The following TP53TG3D variants were observed in gnomAD, a reference collection of about 807,000 sequenced individuals.
TP53TG3D encodes the protein TP53 target 3D, also known as TP53-target gene 3 protein.
For missense variants in TP53TG3D, 4 were observed against 139.9 expected (o/e 0.03, Z 4.90); for synonymous variants, 2 against 56.9 (o/e 0.04, Z 4.34).
In TP53TG3D at chr16:32,254,875, T is replaced by G; in HGVS notation, c.363-16T>G. On this transcript the variant is annotated splice_polypyrimidine_tract_variant and intron_variant, in intron 1 of 1. Transcript: ENST00000398664. Reference sequence around the variant, plus strand: ...ACTAAACAGTGATCATTCTCTTAATTCATGTTTCCATTAAGTTTTTCAGGT... The same window carrying G: ...ACTAAACAGTGATCATTCTCTTAATGCATGTTTCCATTAAGTTTTTCAGGT... 1 of 1,587,220 alleles carries G rather than the reference T, an allele frequency of 6.3e-7. No individual in the cohort carries two copies. The highest frequency in any genetic ancestry group is 8.6e-7 in the Non-Finnish European group (1 of 1,163,796).
chr16:32,255,254 G>C (rs1322990287), exon 2 of TP53TG3D: 1 of 379,382 alleles, frequency 2.6e-6, no homozygotes, highest in African/African-American at 2.1e-5. Context: ...TATGGCCTTG[G>C]TATGGTTTTA....
chr16:32,254,789 T>C lies in TP53TG3D; in HGVS notation c.363-102T>C, dbSNP rs977019912. ...GCTTCTACCCTGAATAGGGCTCCCT[T>C]GGAAAATAATATCTCTTTTTAAATA... On this transcript the variant is annotated intron_variant, in intron 1 of 1. Coordinates refer to ENST00000398664, the Ensembl canonical transcript of TP53TG3D. 1.6e-4 allele frequency: 255 copies of C among 1,606,780 alleles called. 5 individuals are homozygous for C. Among genetic ancestry groups the C allele is most frequent in the Admixed American group, 3.0e-4 (18 of 59,346 alleles).
chr16:32,254,763 C>T lies in TP53TG3D; in HGVS notation c.363-128C>T, dbSNP rs1430174586. 46 of 1,566,096 alleles carry T rather than the reference C, an allele frequency of 2.9e-5. 1 individual carries two copies. Among genetic ancestry groups the T allele is most frequent in the African/African-American group, 1.1e-4 (8 of 72,886 alleles). On this transcript the variant is annotated intron_variant, in intron 1 of 1. Coordinates refer to ENST00000398664, the Ensembl canonical transcript of TP53TG3D. Reference sequence around the variant, plus strand: ...GTGGTGAGGTCAGGGATAGTGTCTGCGCTTCTACCCTGAATAGGGCTCCCT... The same window carrying T: ...GTGGTGAGGTCAGGGATAGTGTCTGTGCTTCTACCCTGAATAGGGCTCCCT...
At chr16:32,255,064 T>C (rs1384697268) in exon 2 of TP53TG3D, 12 of 1,484,736 alleles carry the variant, frequency 8.1e-6, no homozygotes, top group Non-Finnish European at 1.0e-5. Flanking sequence ...AGGTAAAGAA[T>C]GGAACATTTA....
chr16:32,254,254 A>T, intron 1 of TP53TG3D: 1 of 894,916 alleles, frequency 1.1e-6, no homozygotes, highest in East Asian at 3.2e-5. Flanking sequence ...CCGACCTGGC[A>T]GGTCTCAGGC....
At chr16:32,255,081 G>T in exon 2 of TP53TG3D, 1 of 1,350,704 alleles carries the variant, frequency 7.4e-7, no homozygotes, top group East Asian at 2.5e-5. Flanking sequence ...TTTAAGACAA[G>T]TCTGGAAAGT....
At chr16:32,254,794 A>G (rs1306203682) in intron 1 of TP53TG3D, 97 bp from the exon 2 acceptor site, 6 of 1,607,516 alleles carry the variant, frequency 3.7e-6, no homozygotes, top group Non-Finnish European at 5.1e-6. Flanking sequence ...TCCCTTGGAA[A>G]ATAATATCTC....
At chr16:32,254,569 G>T (rs1392197016) in intron 1 of TP53TG3D, 2 of 1,474,656 alleles carry the variant, frequency 1.4e-6, no homozygotes, top group Non-Finnish European at 1.8e-6. Flanking sequence ...CAGCTACGGG[G>T]ATGGGACCCT....
chr16:32,254,383 C>T (rs1962165469), intron 1 of TP53TG3D: 3 of 1,528,776 alleles, frequency 2.0e-6, no homozygotes, highest in Non-Finnish European at 2.6e-6. Flanking sequence ...ACCATTTCCT[C>T]TGTTCTCTAG....
intron 1 of TP53TG3D, 73 bp from the exon 2 acceptor site, chr16:32,254,818 C>G (rs1253388656): frequency 1.9e-6 from 3 of 1,607,062 alleles, no homozygotes; most frequent in South Asian, 2.2e-5. Context: ...TTAAATACCC[C>G]CTTGGACCAC....
At chr16:32,254,783 C>T (rs1962183037) in intron 1 of TP53TG3D, 108 bp from the exon 2 acceptor site, 7 of 1,602,490 alleles carry the variant, frequency 4.4e-6, no homozygotes, top group African/African-American at 1.4e-5. Context: ...CTGAATAGGG[C>T]TCCCTTGGAA....
chr16:32,255,327 A>G (rs1962201909), exon 2 of TP53TG3D: 1 of 273,652 alleles, frequency 3.7e-6, no homozygotes, highest in Non-Finnish European at 7.1e-6. Context: ...TTTTTGAACA[A>G]TTTTTGCAAG....
At chr16:32,254,654 G>C in intron 1 of TP53TG3D, 1 of 1,446,296 alleles carries the variant, frequency 6.9e-7, no homozygotes. Context: ...CAGGGTCTTA[G>C]TGTGGACCTC....
At chr16:32,254,694 C>T (rs1962180127) in intron 1 of TP53TG3D, 197 bp from the exon 2 acceptor site, 1 of 1,455,186 alleles carries the variant, frequency 6.9e-7, no homozygotes, top group Non-Finnish European at 9.0e-7. Flanking sequence ...GTCAGCAGGA[C>T]CAGAGCGCCC....
At chr16:32,254,772 C>T (rs1490580131) in intron 1 of TP53TG3D, 119 bp from the exon 2 acceptor site, 45 of 1,588,990 alleles carry the variant, frequency 2.8e-5, no homozygotes, top group Non-Finnish European at 3.6e-5. Context: ...GCGCTTCTAC[C>T]CTGAATAGGG....
chr16:32,255,190 A>G (rs1344926411), exon 2 of TP53TG3D: 3 of 567,746 alleles, frequency 5.3e-6, no homozygotes, highest in Non-Finnish European at 9.5e-6. Flanking sequence ...AGTAAAAATG[A>G]TAAATCATAT....
exon 2 of TP53TG3D, chr16:32,255,173 T>C: frequency 1.6e-6 from 1 of 636,904 alleles, no homozygotes; most frequent in Non-Finnish European, 2.7e-6. Context: ...TTTCCATTCT[T>C]ACAAATAGTA....
At chr16:32,254,682 A>G (rs62044360) in intron 1 of TP53TG3D, 88,973 of 1,448,076 alleles carry the variant, frequency 0.061, 3,824 homozygotes, top group African/African-American at 0.091. Context: ...TGATTAATGC[A>G]GGTCAGCAGG....
At chr16:32,254,836 A>G in intron 1 of TP53TG3D, 55 bp from the exon 2 acceptor site, 3 of 1,605,368 alleles carry the variant, frequency 1.9e-6, no homozygotes, top group Non-Finnish European at 2.5e-6. Flanking sequence ...CACTTTTAAT[A>G]GTTTTCTGAT....
Sources: gnomAD v4.1 joint callset for allele counts on GRCh38, gnomAD v4.1.1 for gene constraint, MANE v1.5 for transcripts, NCBI Gene and HGNC (gene_info 2026-07-23, HGNC 2026-07-21) for gene names.